Variants in SOS1 observed in about 807,000 individuals in gnomAD.
The protein encoded by SOS1 is SOS Ras/Rac guanine nucleotide exchange factor 1, also known as son of sevenless homolog 1.
In SOS1, 25 loss-of-function variants were observed where a neutral mutation model predicts 157.6. That is an observed-to-expected ratio of 0.16 (90% CI 0.12 to 0.22). The LOEUF (loss-of-function observed/expected upper bound fraction) is 0.22. Among genes scored for constraint, SOS1 ranks in the 10% least tolerant of loss-of-function variants. The probability of loss-of-function intolerance (pLI) is 1.00; values close to 1 mark genes in which losing one functional copy is unlikely to be tolerated. For missense variants in SOS1, 1,237 were observed against 1,599.1 expected, an observed-to-expected ratio of 0.77 and a Z score of 3.86; for synonymous variants, 528 against 534.0, an observed-to-expected ratio of 0.99 and a Z score of 0.16.
intron 8 of SOS1, among the ~76,000 whole-genome samples, chr2:39,031,844 C>T (rs1344758794): frequency 1.3e-5 from 2 of 152,006 alleles, no homozygotes; most frequent in South Asian, 2.1e-4. Context: ...ATTATTGAAG[C>T]AATATGGTTT....
intron 10 of SOS1, among the ~76,000 whole-genome samples, chr2:39,020,332 C>T (rs1274196094): frequency 1.3e-5 from 2 of 151,672 alleles, no homozygotes; most frequent in African/African-American, 4.8e-5. Context: ...GTTTTTATGA[C>T]AATGTCTAAC....
chr2:39,035,325 G>A lies in SOS1; in HGVS notation c.976-15C>T. 1.9e-6 allele frequency: 3 copies of A among 1,607,366 alleles called. No homozygotes were observed. Among genetic ancestry groups the A allele is most frequent in the Non-Finnish European group, 2.6e-6 (3 of 1,174,002 alleles). ...TCGCCTATTGACTGGAAAAAAAAGT[G>A]ATTTAATTTTTTTTTTAAGTTTACT... On this transcript the variant is annotated splice_polypyrimidine_tract_variant and intron_variant, in intron 7 of 22. Coordinates refer to ENST00000402219, the MANE Select transcript of SOS1 (RefSeq NM_005633.4).
rs570347785 is a variant in SOS1, at chr2:39,067,597, TA to T, written c.213+30del. On this transcript the variant is annotated intron_variant, in intron 2 of 22. Transcript: ENST00000402219. ...TTACAACCAACACACAAATTAGATA[TA>T]AAGTAAATACAAGACAACATTTGTC... 5.1e-4 allele frequency: 821 copies of T among 1,600,384 alleles called. 9 individuals carry two copies. The African/African-American group carries it at 1.0e-2, about 19-fold the overall frequency.
rs1319526438 is a variant in SOS1 at position 38,995,130 on chromosome 2, A to G, written c.3339T>C (p.Phe1113=). ...TAGAATTTTTGCACCTACTTGAGTGAAAAGGGCTCGAATGATCGGAATCAA... is the reference window on the plus strand; with the variant it reads ...TAGAATTTTTGCACCTACTTGAGTGGAAAGGGCTCGAATGATCGGAATCAA... ...SVFDSDHSSP[F]HSSNDTVFIQ... Residue 1113 remains phenylalanine (F), a synonymous_variant, in exon 20 of 23, where the codon TTT becomes TTC. Transcript: ENST00000402219. 1.1e-5 allele frequency: 18 copies of G among 1,613,764 alleles called. No individual in the cohort carries two copies. Among genetic ancestry groups the G allele is most frequent in the Non-Finnish European group, 1.4e-5 (17 of 1,179,820 alleles).
chr2:39,117,358 G>C (rs1043133047), intron 1 of SOS1, among the ~76,000 whole-genome samples: 2 of 152,210 alleles, frequency 1.3e-5, no homozygotes, highest in East Asian at 1.9e-4. Context: ...TGAGTGTCAA[G>C]GGCAATACCT....
chr2:39,101,373 A>G (rs918124635), intron 1 of SOS1, among the ~76,000 whole-genome samples: 1 of 152,184 alleles, frequency 6.6e-6, no homozygotes, highest in African/African-American at 2.4e-5. Context: ...ACAAATTTCA[A>G]CATGAAATTT....
intron 5 of SOS1, 150 bp downstream of exon 5, chr2:39,054,464 C>T (rs1197609960): frequency 6.6e-6 from 4 of 608,656 alleles, no homozygotes; most frequent in Non-Finnish European, 1.2e-5. Context: ...TCTCTTGAAA[C>T]TGTTGTAAAA....
intron 5 of SOS1, among the ~76,000 whole-genome samples, chr2:39,054,128 C>T (rs1264411222): frequency 3.9e-5 from 6 of 152,134 alleles, no homozygotes; most frequent in Middle Eastern, 3.2e-3. Context: ...GGGGTTTCAC[C>T]GTGTTAGCCA....
At chr2:39,050,876 C>T (rs1218841138) in intron 6 of SOS1, among the ~76,000 whole-genome samples, 1 of 152,164 alleles carries the variant, frequency 6.6e-6, no homozygotes. Flanking sequence ...CATTTCTTAA[C>T]GTTTTACAGT....
intron 1 of SOS1, among the ~76,000 whole-genome samples, chr2:39,099,120 A>C (rs960360472): frequency 3.3e-5 from 5 of 152,228 alleles, no homozygotes; most frequent in African/African-American, 1.2e-4. Context: ...GAAAATATAG[A>C]AACTGAAAGC....
Position 39,098,241 on chromosome 2 carries a change from G to A in SOS1, c.87+22095C>T, listed in dbSNP as rs139500517. 5.8e-4 allele frequency: 135 copies of A among 233,914 alleles called. 1 individual carries two copies. Among genetic ancestry groups the A allele is most frequent in the African/African-American group, 2.9e-3 (126 of 43,686 alleles). The allele number at this position is 233,914 out of a possible 1,614,324, so 14.5% of individuals were successfully genotyped here. ...ACTTTGGTGCCTACATATTCTGGGAGAACTCTATCTCCAACTTACATGTTA... is the reference window on the plus strand; with the variant it reads ...ACTTTGGTGCCTACATATTCTGGGAAAACTCTATCTCCAACTTACATGTTA... On this transcript the variant is annotated intron_variant, in intron 1 of 22. Transcript: ENST00000402219.
At chr2:39,073,817 A>C (rs530929047) in intron 1 of SOS1, among the ~76,000 whole-genome samples, 1 of 152,338 alleles carries the variant, frequency 6.6e-6, no homozygotes, top group Non-Finnish European at 1.5e-5. Flanking sequence ...TTGCTAGCTA[A>C]TGGCTTTCTG....
intron 2 of SOS1, among the ~76,000 whole-genome samples, chr2:39,060,167 G>A (rs956983840): frequency 3.3e-5 from 5 of 152,094 alleles, no homozygotes; most frequent in Admixed American, 2.0e-4. Flanking sequence ...TAACTTACGT[G>A]GTTTTCAGTT....
At chr2:39,070,440 C>T (rs1269786216) in intron 1 of SOS1, among the ~76,000 whole-genome samples, 1 of 152,122 alleles carries the variant, frequency 6.6e-6, no homozygotes, top group Non-Finnish European at 1.5e-5. Flanking sequence ...TCCATATCTT[C>T]CTCCATTCCT....
At chr2:39,089,530 CA>C (rs56688960) in intron 1 of SOS1, among the ~76,000 whole-genome samples, 18 of 118,098 alleles carry the variant, frequency 1.5e-4, no homozygotes, top group South Asian at 8.7e-4. Flanking sequence ...ACTCTGTCTC[CA>C]AAAAAAAAAA....
chr2:39,094,652 CAAATAAATAAATAAAT>C (rs55772987), intron 1 of SOS1, among the ~76,000 whole-genome samples: 5 of 150,970 alleles, frequency 3.3e-5, no homozygotes, highest in African/African-American at 9.8e-5. Flanking sequence ...GACTCGGTCT[CAAATAAATAAATAAAT>C]AAATAAATAA....
rs141722713 is a variant in SOS1 at position 39,091,867 on chromosome 2, C to A, written c.88-24114G>T. On this transcript the variant is annotated intron_variant, in intron 1 of 22. Transcript: ENST00000402219. The stretch of plus-strand genomic sequence containing the variant: ...CTCCTTCTTCATTTAACTTCCAAGT[C>A]ACCATTCTCTCCTAATGGTTTACTC... 5.3e-5 allele frequency among the ~76,000 whole-genome samples: 8 copies of A among 152,312 alleles called. No individual in the cohort carries two copies. In the East Asian group the frequency reaches 1.5e-3, roughly 29 times the overall value.
chr2:39,019,773 T>TA (rs1455422650), intron 10 of SOS1, among the ~76,000 whole-genome samples: 3 of 151,602 alleles, frequency 2.0e-5, no homozygotes, highest in Admixed American at 6.6e-5. Context: ...TATCTATACA[T>TA]AAAAAATCTA....
intron 3 of SOS1, among the ~76,000 whole-genome samples, chr2:39,058,399 T>C (rs1033337793): frequency 4.6e-4 from 14 of 30,534 alleles, no homozygotes; most frequent in African/African-American, 3.0e-3. Flanking sequence ...TGGTCCTAAT[T>C]ACATCTGAGA....
Sources: gnomAD v4.1 joint callset for allele counts (sites outside exome capture counted in the v4.1 genomes callset) on GRCh38, gnomAD v4.1.1 for gene constraint, MANE v1.5 for transcripts, NCBI Gene and HGNC (gene_info 2026-07-23, HGNC 2026-07-21) for gene names.